SPEF2: variants seen among roughly 807,000 people sequenced by gnomAD.
SPEF2 encodes sperm flagellar and cilia associated 2, also known as sperm flagella and cilia-associated protein 2.
SPEF2 carries 187 observed loss-of-function variants against 224.6 expected under a neutral mutation model. The ratio of observed to expected loss-of-function variants is 0.83; its 90% CI spans 0.74 to 0.94. SPEF2 has a LOEUF of 0.94. Ranked by LOEUF, SPEF2 falls within the 40% of genes least tolerant of loss-of-function variation. The pLI is 0.00. For synonymous variants in SPEF2, 715 were observed against 707.3 expected, an observed-to-expected ratio of 1.01 and a Z score of -0.17; for missense variants, 2,170 against 2,135.6, an observed-to-expected ratio of 1.02 and a Z score of -0.32.
chr5:35,648,854 A>G (rs1488478887), intron 5 of SPEF2, among the ~76,000 whole-genome samples: 2 of 151,994 alleles, frequency 1.3e-5, no homozygotes, highest in Admixed American at 1.3e-4. Flanking sequence ...TCTGTATTAA[A>G]AATACAAAAG....
intron 10 of SPEF2, chr5:35,670,531 T>A (rs1751093527): frequency 9.7e-7 from 1 of 1,026,390 alleles, no homozygotes; most frequent in East Asian, 8.9e-5. Context: ...AGCATTTTTC[T>A]TTGTATGGGC....
At chr5:35,698,534 A>C (rs1755659993) in intron 15 of SPEF2, 1 of 152,194 alleles carries the variant, frequency 6.6e-6, no homozygotes, top group African/African-American at 2.4e-5. Context: ...ATGTATATGA[A>C]AAGCATCAGA....
At chr5:35,621,500 A>C (rs1261003857) in intron 1 of SPEF2, among the ~76,000 whole-genome samples, 1 of 152,204 alleles carries the variant, frequency 6.6e-6, no homozygotes, top group Non-Finnish European at 1.5e-5. Flanking sequence ...AAACTTAGGC[A>C]TGAATATATA....
intron 5 of SPEF2, among the ~76,000 whole-genome samples, chr5:35,648,979 A>G (rs556726663): frequency 1.3e-5 from 2 of 151,608 alleles, no homozygotes; most frequent in Non-Finnish European, 2.9e-5. Context: ...GCGCCACTGC[A>G]TTCCAGCCTG....
At chr5:35,687,425 A>ATT (rs113342161) in intron 10 of SPEF2, among the ~76,000 whole-genome samples, 59 of 145,798 alleles carry the variant, frequency 4.0e-4, no homozygotes, top group African/African-American at 1.3e-3. Flanking sequence ...TTTTTAATGG[A>ATT]TTTTTTTTTT....
chr5:35,795,611 A>C, intron 32 of SPEF2, 92 bp from the exon 33 acceptor site: 5 of 1,077,470 alleles, frequency 4.6e-6, no homozygotes, highest in Non-Finnish European at 5.4e-6. Context: ...CAACTGCTCT[A>C]GAGACAAGAT....
intron 26 of SPEF2, 147 bp from the exon 27 acceptor site, chr5:35,771,461 TG>T: frequency 1.0e-6 from 1 of 966,366 alleles, no homozygotes; most frequent in Non-Finnish European, 1.4e-6. Flanking sequence ...TAAAACATGG[TG>T]GGGTGTGTTT....
chr5:35,621,039 T>C (rs1933064276), intron 1 of SPEF2, among the ~76,000 whole-genome samples: 1 of 152,186 alleles, frequency 6.6e-6, no homozygotes, highest in South Asian at 2.1e-4. Flanking sequence ...ATCTGGCTTG[T>C]TGTTTATATT....
At chr5:35,768,659 C>G (rs558906658) in intron 26 of SPEF2, among the ~76,000 whole-genome samples, 1 of 152,104 alleles carries the variant, frequency 6.6e-6, no homozygotes, top group Non-Finnish European at 1.5e-5. Flanking sequence ...TACCCTTTTC[C>G]TTGTGGACTT....
chr5:35,735,129 C>T (rs1483077811), intron 21 of SPEF2, among the ~76,000 whole-genome samples: 2 of 152,118 alleles, frequency 1.3e-5, no homozygotes, highest in Non-Finnish European at 2.9e-5. Flanking sequence ...TGAATATAAG[C>T]TCCTAAAGCC....
At chr5:35,623,062 T>C (rs1743745948) in intron 1 of SPEF2, among the ~76,000 whole-genome samples, 1 of 152,200 alleles carries the variant, frequency 6.6e-6, no homozygotes, top group African/African-American at 2.4e-5. Flanking sequence ...TATAGATTTG[T>C]TGTAACAAGG....
chr5:35,664,996 G>A (rs947967400), intron 8 of SPEF2, among the ~76,000 whole-genome samples: 1 of 152,158 alleles, frequency 6.6e-6, no homozygotes, highest in Non-Finnish European at 1.5e-5. Context: ...TCAAATTTCT[G>A]TGCTACCTAC....
chr5:35,791,519 A>G (rs1278354102), intron 30 of SPEF2: 3 of 152,072 alleles, frequency 2.0e-5, no homozygotes, highest in Admixed American at 2.0e-4. Context: ...ATAGCTATGT[A>G]CTCTGGACCT....
At chr5:35,717,323 A>G (rs1030390879) in intron 20 of SPEF2, among the ~76,000 whole-genome samples, 2 of 152,196 alleles carry the variant, frequency 1.3e-5, no homozygotes, top group African/African-American at 4.8e-5. Flanking sequence ...TCTCTGGAAC[A>G]AACACTTGGA....
At chr5:35,702,714 A>G (rs1452373036) in intron 16 of SPEF2, among the ~76,000 whole-genome samples, 1 of 152,218 alleles carries the variant, frequency 6.6e-6, no homozygotes, top group Non-Finnish European at 1.5e-5. Context: ...CAGAACCTGG[A>G]GTCACATTGC....
chr5:35,734,814 C>T (rs555784704), intron 21 of SPEF2, among the ~76,000 whole-genome samples: 42 of 149,286 alleles, frequency 2.8e-4, no homozygotes, highest in South Asian at 1.5e-3. Context: ...CGGGTTCAAG[C>T]GATTCTCCTG....
intron 23 of SPEF2, among the ~76,000 whole-genome samples, chr5:35,740,666 A>G (rs1232060290): frequency 6.6e-6 from 1 of 152,170 alleles, no homozygotes; most frequent in African/African-American, 2.4e-5. Flanking sequence ...AAAACCTAGA[A>G]TTACCTCTAT....
At chr5:35,759,774 T>A (rs1352679983) in intron 25 of SPEF2, 55 bp downstream of exon 25, 1 of 1,412,768 alleles carries the variant, frequency 7.1e-7, no homozygotes, top group Non-Finnish European at 9.4e-7. Flanking sequence ...AGCTTTGTGA[T>A]TTAAAATTAA....
chr5:35,768,755 A>T (rs1277517334), intron 26 of SPEF2, among the ~76,000 whole-genome samples: 2 of 152,194 alleles, frequency 1.3e-5, no homozygotes, highest in Non-Finnish European at 2.9e-5. Flanking sequence ...CTTGACTTTG[A>T]TATCACACAA....
Sources: allele counts gnomAD v4.1 joint callset (sites outside exome capture counted in the v4.1 genomes callset), GRCh38; gene constraint gnomAD v4.1.1; transcripts MANE v1.5; gene names NCBI Gene and HGNC (gene_info 2026-07-23, HGNC 2026-07-21).